The following RSPO2 variants were observed in gnomAD, a reference collection of about 807,000 sequenced individuals.
The protein encoded by RSPO2 is R-spondin-2.
A neutral mutation model predicts 30.9 loss-of-function variants in RSPO2; 14 were observed. The ratio of observed to expected loss-of-function variants is 0.45; its 90% CI spans 0.30 to 0.71. The LOEUF (loss-of-function observed/expected upper bound fraction) is 0.71. Among genes scored for constraint, RSPO2 ranks in the 30% least tolerant of loss-of-function variants. The probability of loss-of-function intolerance (pLI) is 0.08; values close to 1 mark genes in which losing one functional copy is unlikely to be tolerated. For synonymous variants in RSPO2, 107 were observed against 96.4 expected (o/e 1.11, Z -0.64); for missense variants, 264 against 301.9 (o/e 0.87, Z 0.93).
chr8:108,077,750 T>G (rs956863876), intron 2 of RSPO2, among the ~76,000 whole-genome samples: 7 of 152,156 alleles, frequency 4.6e-5, no homozygotes, highest in African/African-American at 1.7e-4. Context: ...CATATGAAAA[T>G]GTATAAATAT....
intron 2 of RSPO2, among the ~76,000 whole-genome samples, chr8:108,041,402 G>A (rs1261358070): frequency 6.6e-6 from 1 of 152,066 alleles, no homozygotes; most frequent in Non-Finnish European, 1.5e-5. Flanking sequence ...GCTGGGGAAT[G>A]AGAGAAGATA....
intron 3 of RSPO2, among the ~76,000 whole-genome samples, chr8:107,980,135 A>G (rs1814372717): frequency 6.6e-6 from 1 of 152,128 alleles, no homozygotes; most frequent in African/African-American, 2.4e-5. Flanking sequence ...AGACTCACCC[A>G]TCTCCAAGGG....
rs368087742 is a variant in RSPO2 at position 108,073,710 on chromosome 8, C to T, written c.94+8835G>A. 3.4e-3 allele frequency among the ~76,000 whole-genome samples: 523 copies of T among 152,234 alleles called. 3 individuals carry two copies. The highest frequency in any genetic ancestry group is 0.012 in the African/African-American group (507 of 41,532). On this transcript the variant is annotated intron_variant, in intron 2 of 5. Coordinates refer to ENST00000276659, the MANE Select transcript of RSPO2 (RefSeq NM_178565.5). ...TATTTGTGTTGTACTTTTATAAACT[C>T]TTTAGTGGGATTGAGAGAATTTAAC...
At chr8:108,023,658 T>C (rs753195025) in intron 2 of RSPO2, among the ~76,000 whole-genome samples, 17 of 152,156 alleles carry the variant, frequency 1.1e-4, no homozygotes, top group Non-Finnish European at 2.2e-4. Context: ...TGCAAATCCA[T>C]AATATATATG....
At chr8:108,003,277 G>GTGTATA (rs1198114898) in intron 2 of RSPO2, among the ~76,000 whole-genome samples, 33 of 56,356 alleles carry the variant, frequency 5.9e-4, no homozygotes, top group East Asian at 2.0e-3. Context: ...GTGTGTGTGT[G>GTGTATA]TATATATATA....
intron 5 of RSPO2, among the ~76,000 whole-genome samples, chr8:107,956,034 C>A (rs1344402233): frequency 2.6e-5 from 4 of 152,176 alleles, no homozygotes; most frequent in Non-Finnish European, 5.9e-5. Context: ...AAGAAAGGAA[C>A]TTTTCTCTCT....
intron 5 of RSPO2, among the ~76,000 whole-genome samples, chr8:107,921,423 A>G (rs1563521352): frequency 1.3e-5 from 2 of 152,086 alleles, no homozygotes; most frequent in Non-Finnish European, 2.9e-5. Context: ...CATCACTTAT[A>G]AAAGTTATTC....
At chr8:107,933,229 A>G (rs904930083) in intron 5 of RSPO2, among the ~76,000 whole-genome samples, 1 of 152,206 alleles carries the variant, frequency 6.6e-6, no homozygotes, top group Non-Finnish European at 1.5e-5. Flanking sequence ...CACTATCAGC[A>G]TAAGAAATCA....
chr8:107,960,290 G>A (rs1429349964), intron 4 of RSPO2, among the ~76,000 whole-genome samples: 1 of 151,466 alleles, frequency 6.6e-6, no homozygotes, highest in Non-Finnish European at 1.5e-5. Context: ...AAGCAGTTCT[G>A]TAATATCCAC....
intron 5 of RSPO2, among the ~76,000 whole-genome samples, chr8:107,918,033 G>A (rs1330396099): frequency 6.6e-6 from 1 of 152,052 alleles, no homozygotes; most frequent in African/African-American, 2.4e-5. Context: ...AAGACTTTTG[G>A]GACTCTCATG....
intron 5 of RSPO2, among the ~76,000 whole-genome samples, chr8:107,944,282 G>C (rs563657690): frequency 6.9e-4 from 105 of 152,270 alleles, no homozygotes; most frequent in African/African-American, 2.5e-3. Context: ...TGAATAAAAT[G>C]TTATAGGGGC....
intron 3 of RSPO2, among the ~76,000 whole-genome samples, chr8:107,986,128 A>C (rs1401849234): frequency 6.6e-6 from 1 of 152,198 alleles, no homozygotes; most frequent in Non-Finnish European, 1.5e-5. Context: ...AGTCTGTGAC[A>C]GCTTTTCCAA....
intron 5 of RSPO2, among the ~76,000 whole-genome samples, chr8:107,903,608 C>G (rs1237410869): frequency 6.6e-6 from 1 of 152,070 alleles, no homozygotes; most frequent in Non-Finnish European, 1.5e-5. Context: ...AGCAATGCTT[C>G]TGAAAGCTTA....
At chr8:108,054,175 A>C (rs1586661488) in intron 2 of RSPO2, among the ~76,000 whole-genome samples, 1 of 152,204 alleles carries the variant, frequency 6.6e-6, no homozygotes, top group African/African-American at 2.4e-5. Context: ...GGTGGAGATA[A>C]GAGAGCCTGT....
At chr8:108,050,093 G>T (rs1443251958) in intron 2 of RSPO2, among the ~76,000 whole-genome samples, 1 of 152,038 alleles carries the variant, frequency 6.6e-6, no homozygotes, top group Non-Finnish European at 1.5e-5. Context: ...GGAGGGGTTG[G>T]GGGGAATCAC....
intron 3 of RSPO2, chr8:107,983,585 G>C: frequency 7.5e-6 from 12 of 1,598,772 alleles, no homozygotes; most frequent in Non-Finnish European, 1.0e-5. Flanking sequence ...CCATGTATTG[G>C]AAGTAAAGCC....
intron 5 of RSPO2, among the ~76,000 whole-genome samples, chr8:107,952,152 T>C (rs1813271023): frequency 6.6e-6 from 1 of 152,134 alleles, no homozygotes; most frequent in South Asian, 2.1e-4. Flanking sequence ...TCAGACACTT[T>C]AGCTCCTTAA....
intron 5 of RSPO2, among the ~76,000 whole-genome samples, chr8:107,905,009 TTGC>T (rs146699613): frequency 0.029 from 4,343 of 152,176 alleles, 234 homozygotes; most frequent in African/African-American, 0.1. Flanking sequence ...CAGCTGTGAA[TTGC>T]TGCTATTAGA....
chr8:108,079,802 A>T (rs909399328), intron 2 of RSPO2, among the ~76,000 whole-genome samples: 1 of 150,452 alleles, frequency 6.6e-6, no homozygotes, highest in African/African-American at 2.4e-5. Flanking sequence ...AATCTTCCAA[A>T]CTACAACACC....
Sources: allele counts gnomAD v4.1 joint callset (sites outside exome capture counted in the v4.1 genomes callset), GRCh38; gene constraint gnomAD v4.1.1; transcripts MANE v1.5; gene names NCBI Gene and HGNC (gene_info 2026-07-23, HGNC 2026-07-21).